Variants in ITGAD observed in about 807,000 individuals in gnomAD.
ITGAD encodes the protein integrin subunit alpha D.
Under a neutral mutation model 139.0 loss-of-function variants are expected in ITGAD, and 105 were observed. That is an observed-to-expected ratio of 0.76 (90% confidence interval 0.65 to 0.89). The LOEUF (loss-of-function observed/expected upper bound fraction) is 0.89. Among genes scored for constraint, ITGAD ranks in the 40% least tolerant of loss-of-function variants. ITGAD has a pLI of 0.00. For synonymous variants in ITGAD, 569 were observed against 598.3 expected, an observed-to-expected ratio of 0.95 and a Z score of 0.71; for missense variants, 1,384 against 1,487.3, an observed-to-expected ratio of 0.93 and a Z score of 1.14.
Position 31,426,286 on chromosome 16 carries a change from T to G in ITGAD, c.*158T>G. On this transcript the variant is annotated 3_prime_UTR_variant, in exon 30 of 30. Transcript: ENST00000389202. Reference sequence around the variant, plus strand: ...CGGAGAGATAGAGATTGTAATGTTTTTACATATCTGTCCATCTTTTTCAGC... The same window carrying G: ...CGGAGAGATAGAGATTGTAATGTTTGTACATATCTGTCCATCTTTTTCAGC... The G allele has an allele frequency of 1.7e-6, 1 of 572,642 alleles. No individual in the cohort carries two copies. The highest frequency in any genetic ancestry group is 3.0e-5 in the East Asian group (1 of 33,872). 35.5% of individuals were successfully genotyped at this position (572,642 alleles called of 1,614,324 possible). A position where few individuals can be genotyped will look rare whatever the true frequency, so the allele number is the denominator to read the frequency against.
At chr16:31,394,491 C>T in intron 2 of ITGAD, 150 bp downstream of exon 2, 1 of 570,418 alleles carries the variant, frequency 1.8e-6, no homozygotes, top group Non-Finnish European at 3.1e-6. Flanking sequence ...GACATCAGCA[C>T]CTATTATTCT....
chr16:31,414,752 G>T, intron 17 of ITGAD, 108 bp from the exon 18 acceptor site: 1 of 1,553,052 alleles, frequency 6.4e-7, no homozygotes, highest in Non-Finnish European at 8.8e-7. Context: ...CTGGCTCCAC[G>T]GCTTGGAGGG....
chr16:31,421,154 A>G (rs560698119), intron 23 of ITGAD, among the ~76,000 whole-genome samples: 2 of 152,294 alleles, frequency 1.3e-5, no homozygotes, highest in East Asian at 3.9e-4. Context: ...CAACAAAGAC[A>G]TCAAGAAGTG....
At position 31,424,589 on chromosome 16, in the gene ITGAD, A is replaced by C; in HGVS notation, c.3372+12A>C. ...CCACACTGTACAAGGCAAGTGTTTT[A>C]TCCAACTCTTTTTTTTTTTTTTTTG... On this transcript the variant is annotated intron_variant, in intron 29 of 29. Transcript: ENST00000389202. 6.7e-7 allele frequency: 1 copy of C among 1,500,750 alleles called. No individual in the cohort carries two copies. Among genetic ancestry groups the C allele is most frequent in the Non-Finnish European group, 9.0e-7 (1 of 1,106,434 alleles). The allele number at this position is 1,500,750 out of a possible 1,614,324, so 93.0% of individuals were successfully genotyped here.
intron 9 of ITGAD, 37 bp downstream of exon 9, chr16:31,407,953 G>A: frequency 2.6e-6 from 4 of 1,535,774 alleles, no homozygotes; most frequent in Non-Finnish European, 2.6e-6. Flanking sequence ...GAGCCAAGGG[G>A]TCCCCACCCA....
intron 23 of ITGAD, among the ~76,000 whole-genome samples, chr16:31,420,587 T>G (rs2081989106): frequency 6.6e-6 from 1 of 151,694 alleles, no homozygotes; most frequent in African/African-American, 2.4e-5. Flanking sequence ...TGTTTGTTTG[T>G]TTTTGAGATG....
At chr16:31,419,271 G>A (rs532202100) in intron 23 of ITGAD, among the ~76,000 whole-genome samples, 105 of 151,960 alleles carry the variant, frequency 6.9e-4, no homozygotes, top group African/African-American at 2.4e-3. Context: ...AAATTATAAC[G>A]GAGTTGAAAA....
rs566170081 is a variant in ITGAD at position 31,397,610 on chromosome 16, G to T, written c.256G>T (p.Val86Leu). Reference protein sequence around the residue: ...PIPLHIRPEAVNMSLGLTLAA... With the variant: ...PIPLHIRPEALNMSLGLTLAA... ...TGCCCTTGCAGTCCGCCCTGAGGCC[G>T]TGAACATGTCCTTGGGCCTGACCCT... is the stretch of plus-strand genomic sequence containing the variant. The change falls in exon 4 of 30, where the codon GTG becomes TTG. Residue 86 changes from valine to leucine, a missense_variant. Val to Leu is a conservative substitution (Grantham distance 32). Coordinates refer to ENST00000389202, the MANE Select transcript of ITGAD (RefSeq NM_005353.3). 2 of 1,600,712 alleles carry T rather than the reference G, an allele frequency of 1.2e-6. No homozygotes were observed. Among genetic ancestry groups the T allele is most frequent in the African/African-American group, 2.7e-5 (2 of 74,510 alleles).
In ITGAD at chr16:31,414,629, G is replaced by T. The variant is rs766946955; in HGVS notation, c.2151+24G>T. On this transcript the variant is annotated intron_variant, in intron 17 of 29. Coordinates refer to ENST00000389202, the MANE Select transcript of ITGAD (RefSeq NM_005353.3). ...CAGTGAGGACTTTGGGTTCTGGGAA[G>T]GGGGAGAGAGGAGGAGCCCAAGGCT... The T allele has an allele frequency of 6.2e-6, 10 of 1,612,960 alleles. No individual in the cohort carries two copies. In the African/African-American group the frequency reaches 1.1e-4, roughly 17 times the overall value.
intron 21 of ITGAD, 28 bp from the exon 22 acceptor site, chr16:31,418,273 C>T: frequency 6.2e-7 from 1 of 1,609,830 alleles, no homozygotes; most frequent in Middle Eastern, 1.7e-4. Context: ...TTCCTTTTAT[C>T]CCCATTCTTT....
intron 5 of ITGAD, among the ~76,000 whole-genome samples, chr16:31,401,436 T>C (rs1445420648): frequency 2.0e-5 from 3 of 152,060 alleles, no homozygotes; most frequent in Admixed American, 1.3e-4. Flanking sequence ...GGGACTCAGC[T>C]CAGAGCCAAC....
Position 31,424,283 on chromosome 16 carries a change from G to C in ITGAD, c.3261+80G>C. On this transcript the variant is annotated intron_variant, in intron 28 of 29. Coordinates refer to ENST00000389202, the MANE Select transcript of ITGAD (RefSeq NM_005353.3). ...ATCTGTGGTGCTGGGTGGGGGGTTTGCAAGCCTTGCGGGAGGAGGGTGAAA... is the reference window on the plus strand; with the variant it reads ...ATCTGTGGTGCTGGGTGGGGGGTTTCCAAGCCTTGCGGGAGGAGGGTGAAA... 8 of 1,552,244 alleles carry C rather than the reference G, an allele frequency of 5.2e-6. No individual in the cohort carries two copies. The South Asian group carries it at 8.9e-5, about 17-fold the overall frequency.
Position 31,418,117 on chromosome 16 carries a change from G to T in ITGAD, c.2542G>T (p.Val848Leu). 6.2e-7 allele frequency: 1 copy of T among 1,614,086 alleles called. No individual in the cohort carries two copies. Among genetic ancestry groups the T allele is most frequent in the Non-Finnish European group, 8.5e-7 (1 of 1,180,004 alleles). Residue 848 changes from valine (V) to leucine (L), a missense_variant, in exon 21 of 30, where the codon GTG becomes TTG. Val to Leu is a conservative substitution (Grantham distance 32, BLOSUM62 1). Transcript: ENST00000389202. ...TGCCCTGCGCCTGGCATGTGAGACAGTGCCCACTGAGGATGAGGGCCTAAG... is the reference window on the plus strand; with the variant it reads ...TGCCCTGCGCCTGGCATGTGAGACATTGCCCACTGAGGATGAGGGCCTAAG... The part of the protein sequence containing the change: ...QSALRLACET[V>L]PTEDEGLRSS...
chr16:31,411,079 G>A lies in ITGAD; in HGVS notation c.1360G>A (p.Gly454Ser). Residue 454 changes from glycine (G) to serine (S), a missense_variant, in exon 13 of 30, where the codon GGC becomes AGC. Transcript: ENST00000389202. The part of the protein sequence containing the change: ...KKAEVTGTQI[G>S]SYFGASLCSV... ...TGACCCAGGCTCTGCCCTCCAGATC[G>A]GCTCCTACTTCGGGGCCTCCCTCTG... 3.7e-6 allele frequency: 6 copies of A among 1,612,136 alleles called. No homozygotes were observed. The highest frequency in any genetic ancestry group is 1.1e-5 in the South Asian group (1 of 90,996).
rs1044226801 is a variant in ITGAD, at chr16:31,426,318, C to T, written c.*190C>T. 7.2e-5 allele frequency: 38 copies of T among 528,398 alleles called. No individual in the cohort carries two copies. The highest frequency in any genetic ancestry group is 1.1e-4 in the Non-Finnish European group (32 of 293,404). 32.7% of individuals were successfully genotyped at this position (528,398 alleles called of 1,614,324 possible). A position where few individuals can be genotyped will look rare whatever the true frequency, so the allele number is the denominator to read the frequency against. On this transcript the variant is annotated 3_prime_UTR_variant, in exon 30 of 30. Coordinates refer to ENST00000389202, the MANE Select transcript of ITGAD (RefSeq NM_005353.3). The stretch of plus-strand genomic sequence containing the variant: ...TCTGTCCATCTTTTTCAGCAATGAC[C>T]CACTTTTTACAGAAGCAGGCATGGT...
chr16:31,397,454 C>T lies in ITGAD; in HGVS notation c.233C>T (p.Pro78Leu), dbSNP rs374336474. Residue 78 changes from proline to leucine, a missense_variant, in exon 3 of 30, where the codon CCG becomes CTG. By Grantham distance (98) the Pro-to-Leu change is moderately conservative. Transcript: ENST00000389202. ...AAATGMCQPI[P>L]LHIRPEAVNM... is the part of the protein sequence containing the mutation. Reference sequence around the variant, plus strand: ...GCCACCGGCATGTGCCAGCCCATCCCGCTGCACAGTGAGTGACCACCTGGG... The same window carrying T: ...GCCACCGGCATGTGCCAGCCCATCCTGCTGCACAGTGAGTGACCACCTGGG... The T allele has an allele frequency of 6.9e-5, 110 of 1,594,030 alleles. No homozygotes were observed. The highest frequency in any genetic ancestry group is 6.3e-4 in the African/African-American group (47 of 74,618).
At chr16:31,397,529 C>T (rs773037188) in intron 3 of ITGAD, 67 bp downstream of exon 3, 112 of 1,589,952 alleles carry the variant, frequency 7.0e-5, no homozygotes, top group Non-Finnish European at 9.3e-5. Context: ...CGCTTAGCTT[C>T]CAGTCCAGAC....
chr16:31,402,029 C>G, intron 5 of ITGAD, 86 bp from the exon 6 acceptor site: 2 of 1,480,470 alleles, frequency 1.4e-6, no homozygotes, highest in Non-Finnish European at 9.2e-7. Flanking sequence ...ATGCCAAGAA[C>G]AGCCCCCGGG....
Position 31,426,462 on chromosome 16 carries a change from C to T in ITGAD, c.*334C>T, listed in dbSNP as rs932941069. 2.4e-5 allele frequency: 6 copies of T among 249,588 alleles called. No homozygotes were observed. Among genetic ancestry groups the T allele is most frequent in the South Asian group, 9.9e-5 (2 of 20,116 alleles). 15.5% of individuals were successfully genotyped at this position (249,588 alleles called of 1,614,324 possible). On this transcript the variant is annotated 3_prime_UTR_variant, in exon 30 of 30. Coordinates refer to ENST00000389202, the MANE Select transcript of ITGAD (RefSeq NM_005353.3). ...ACCTGAGTGCCTCTCTGGGAATAGTCGGGGGAACCTATTTGTGGGCATTGA... is the reference window on the plus strand; with the variant it reads ...ACCTGAGTGCCTCTCTGGGAATAGTTGGGGGAACCTATTTGTGGGCATTGA...
Sources: gnomAD v4.1 joint callset for allele counts (sites outside exome capture counted in the v4.1 genomes callset) on GRCh38, gnomAD v4.1.1 for gene constraint, MANE v1.5 for transcripts, NCBI Gene and HGNC (gene_info 2026-07-23, HGNC 2026-07-21) for gene names.